AOAH: variants seen among roughly 807,000 people sequenced by gnomAD.
AOAH encodes acyloxyacyl hydrolase (neutrophil).
A neutral mutation model predicts 92.2 loss-of-function variants in AOAH; 64 were observed. The observed-to-expected ratio is 0.69, with a 90% CI of 0.57 to 0.86. The LOEUF (loss-of-function observed/expected upper bound fraction) is 0.86. AOAH is among the 40% of genes least tolerant of loss of function. AOAH has a pLI of 0.00. For missense variants in AOAH, 656 were observed against 694.6 expected, an observed-to-expected ratio of 0.94 and a Z score of 0.62; for synonymous variants, 263 against 254.5, an observed-to-expected ratio of 1.03 and a Z score of -0.32.
intron 6 of AOAH, among the ~76,000 whole-genome samples, chr7:36,631,358 A>AG (rs1793084028): frequency 6.6e-6 from 1 of 151,922 alleles, no homozygotes; most frequent in South Asian, 2.1e-4. Flanking sequence ...CTCAAAAAAA[A>AG]AAAAAAAGAA....
chr7:36,521,433 G>C (rs967808158), intron 20 of AOAH, among the ~76,000 whole-genome samples: 2 of 152,202 alleles, frequency 1.3e-5, no homozygotes, highest in African/African-American at 4.8e-5. Flanking sequence ...TAATGGGATG[G>C]GAGTGGAGCC....
chr7:36,552,567 A>C (rs1786346163), intron 13 of AOAH, among the ~76,000 whole-genome samples: 1 of 152,208 alleles, frequency 6.6e-6, no homozygotes, highest in Non-Finnish European at 1.5e-5. Flanking sequence ...TAAATCTTTG[A>C]GGAAGTGCCA....
intron 6 of AOAH, among the ~76,000 whole-genome samples, chr7:36,625,801 C>G (rs1252139663): frequency 1.3e-5 from 2 of 152,146 alleles, no homozygotes; most frequent in African/African-American, 4.8e-5. Context: ...GGCTCAGAGG[C>G]TGTGACGCTG....
chr7:36,631,610 T>G (rs1793109059), intron 6 of AOAH, among the ~76,000 whole-genome samples: 1 of 152,196 alleles, frequency 6.6e-6, no homozygotes, highest in South Asian at 2.1e-4. Context: ...TTGGGCGCTG[T>G]GAAAACACAG....
At chr7:36,591,869 C>T (rs192998965) in intron 12 of AOAH, among the ~76,000 whole-genome samples, 3 of 152,060 alleles carry the variant, frequency 2.0e-5, no homozygotes, top group East Asian at 1.9e-4. Context: ...GAGCTGTAAG[C>T]AGAAAGAGAT....
At chr7:36,683,942 C>T (rs1304379326) in intron 2 of AOAH, among the ~76,000 whole-genome samples, 1 of 151,374 alleles carries the variant, frequency 6.6e-6, no homozygotes, top group Non-Finnish European at 1.5e-5. Flanking sequence ...TGCAGTGAGC[C>T]AAGATGGAGC....
intron 13 of AOAH, among the ~76,000 whole-genome samples, chr7:36,556,544 A>C (rs2116412516): frequency 6.6e-6 from 1 of 150,634 alleles, no homozygotes; most frequent in East Asian, 2.0e-4. Context: ...ATCCTTGTTA[A>C]CTTTCTGTCT....
At chr7:36,554,165 G>A (rs1197600188) in intron 13 of AOAH, among the ~76,000 whole-genome samples, 2 of 152,198 alleles carry the variant, frequency 1.3e-5, no homozygotes, top group Non-Finnish European at 2.9e-5. Flanking sequence ...TTTGTATAAG[G>A]TGTAAGGAAG....
At chr7:36,556,370 CT>C (rs1554285881) in intron 13 of AOAH, among the ~76,000 whole-genome samples, 5 of 151,982 alleles carry the variant, frequency 3.3e-5, no homozygotes, top group Non-Finnish European at 7.4e-5. Context: ...AATTTCTGTT[CT>C]TTTCCATTTG....
chr7:36,720,555 T>C (rs4723564), intron 1 of AOAH, among the ~76,000 whole-genome samples: 53,317 of 152,034 alleles, frequency 0.35, 10,229 homozygotes, highest in East Asian at 0.52. Flanking sequence ...CTGCAGTGCC[T>C]GCTTCCAAGC....
chr7:36,715,164 A>G (rs145331215), intron 1 of AOAH, among the ~76,000 whole-genome samples: 2 of 151,832 alleles, frequency 1.3e-5, no homozygotes, highest in African/African-American at 4.8e-5. Flanking sequence ...AAAAATCACA[A>G]GCATTCTTAT....
chr7:36,649,590 A>G (rs6462688), intron 4 of AOAH, among the ~76,000 whole-genome samples: 125,454 of 152,258 alleles, frequency 0.82, 52,081 homozygotes, highest in African/African-American at 0.93. Flanking sequence ...AGAGCACAGC[A>G]GGAGGGATAA....
intron 11 of AOAH, among the ~76,000 whole-genome samples, chr7:36,612,374 C>A (rs1791525657): frequency 6.6e-6 from 1 of 152,150 alleles, no homozygotes; most frequent in African/African-American, 2.4e-5. Context: ...ATAAATATGT[C>A]TATTAATATG....
intron 2 of AOAH, among the ~76,000 whole-genome samples, chr7:36,678,586 T>C (rs866703142): frequency 5.4e-5 from 5 of 92,234 alleles, no homozygotes; most frequent in African/African-American, 1.9e-4. Context: ...TGTGTGTGTG[T>C]GTGTGTGTGT....
At chr7:36,514,412 A>G (rs1191869202) in intron 20 of AOAH, 1 of 1,293,944 alleles carries the variant, frequency 7.7e-7, no homozygotes, top group East Asian at 2.5e-5. Context: ...AGTGCCAGAG[A>G]GGAATCCTTA....
At chr7:36,549,557 C>T (rs1786040729) in intron 13 of AOAH, 82 bp from the exon 14 acceptor site, 1 of 940,426 alleles carries the variant, frequency 1.1e-6, no homozygotes, top group Non-Finnish European at 1.7e-6. Flanking sequence ...ATTGACTGAA[C>T]TCATGAAAGC....
chr7:36,595,819 C>T (rs1790065820), intron 11 of AOAH, among the ~76,000 whole-genome samples: 1 of 152,316 alleles, frequency 6.6e-6, no homozygotes, highest in African/African-American at 2.4e-5. Flanking sequence ...CTTTGTATTT[C>T]TCAATATTGA....
intron 15 of AOAH, among the ~76,000 whole-genome samples, chr7:36,544,137 G>C (rs901896991): frequency 6.6e-6 from 1 of 151,646 alleles, no homozygotes; most frequent in Non-Finnish European, 1.5e-5. Flanking sequence ...GGTAGAGACA[G>C]GGTTTTACCA....
intron 13 of AOAH, among the ~76,000 whole-genome samples, chr7:36,569,094 C>G (rs1345574422): frequency 1.3e-5 from 2 of 152,096 alleles, no homozygotes; most frequent in African/African-American, 4.8e-5. Flanking sequence ...CTCTGCCCTC[C>G]CTGTAAGTGG....
Sources: allele counts gnomAD v4.1 joint callset (sites outside exome capture counted in the v4.1 genomes callset), GRCh38; gene constraint gnomAD v4.1.1; transcripts MANE v1.5; gene names NCBI Gene and HGNC (gene_info 2026-07-23, HGNC 2026-07-21).